LOXL4: variants seen among roughly 807,000 people sequenced by gnomAD.
LOXL4 encodes the protein lysyl oxidase like 4.
LOXL4 carries 72 observed loss-of-function variants against 89.1 expected under a neutral mutation model. The ratio of observed to expected loss-of-function variants is 0.81; its 90% CI spans 0.67 to 0.98. LOXL4 has a LOEUF of 0.98. Ranked by LOEUF, LOXL4 falls within the 50% of genes least tolerant of loss-of-function variation. The pLI is 0.00. For missense variants in LOXL4, 984 were observed against 1,017.5 expected, an observed-to-expected ratio of 0.97 and a Z score of 0.45; for synonymous variants, 355 against 392.1, an observed-to-expected ratio of 0.91 and a Z score of 1.12.
At chr10:98,255,798 C>T (rs1858345052) in intron 9 of LOXL4, 59 bp from the exon 10 acceptor site, 2 of 1,562,556 alleles carry the variant, frequency 1.3e-6, no homozygotes, top group South Asian at 2.3e-5. Flanking sequence ...TCCTGACTCC[C>T]ATCTGAGGTG....
chr10:98,254,618 A>G (rs1564757436), intron 10 of LOXL4, among the ~76,000 whole-genome samples: 2 of 152,278 alleles, frequency 1.3e-5, no homozygotes, highest in Non-Finnish European at 2.9e-5. Flanking sequence ...AGGTGGTTAC[A>G]GAGACTGCAG....
At chr10:98,256,042 T>G in intron 9 of LOXL4, 1 of 289,762 alleles carries the variant, frequency 3.5e-6, no homozygotes, top group Non-Finnish European at 6.4e-6. Flanking sequence ...CCCCTCTCCC[T>G]GGGGGCTGTG....
intron 10 of LOXL4, among the ~76,000 whole-genome samples, chr10:98,254,414 GCAGCTTGCCCCAGGCTGGAGC>G (rs897491184): frequency 6.6e-6 from 1 of 152,208 alleles, no homozygotes; most frequent in African/African-American, 2.4e-5. Flanking sequence ...CAGGCCGGCC[GCAGCTTGCCCCAGGCTGGAGC>G]CATCTGCATC....
In LOXL4 at chr10:98,265,131, T is replaced by G. The variant is rs1419773541; in HGVS notation, c.-32-2080A>C. On this transcript the variant is annotated intron_variant, in intron 1 of 14. Coordinates refer to ENST00000260702, the MANE Select transcript of LOXL4 (RefSeq NM_032211.7). ...TCATTCATATCTGTGGTTGCATGGA[T>G]GGGAGGTGGCAGCACAGTGCTTGAG... Among the ~76,000 whole-genome samples the G allele has an allele frequency of 3.3e-5, 5 of 152,154 alleles. No homozygotes were observed. The East Asian group carries it at 9.6e-4, about 29-fold the overall frequency.
intron 6 of LOXL4, among the ~76,000 whole-genome samples, chr10:98,258,775 T>G (rs1005261057): frequency 2.6e-5 from 4 of 152,188 alleles, no homozygotes; most frequent in Admixed American, 2.0e-4. Context: ...TTAATTACTG[T>G]TTTTACGGTC....
At chr10:98,249,686 G>A (rs1858132080) in intron 14 of LOXL4, among the ~76,000 whole-genome samples, 1 of 152,216 alleles carries the variant, frequency 6.6e-6, no homozygotes, top group Non-Finnish European at 1.5e-5. Flanking sequence ...ACTGGCAAGA[G>A]GACCTGCAGG....
chr10:98,251,035 A>G (rs200513650), intron 14 of LOXL4, 30 bp downstream of exon 14: 2 of 1,517,934 alleles, frequency 1.3e-6, no homozygotes, highest in Middle Eastern at 1.7e-4. Context: ...GAGCCTATAG[A>G]TGGCTGATTC....
At chr10:98,260,881 A>T (rs1439427695) in intron 4 of LOXL4, 41 bp downstream of exon 4, 1 of 1,564,754 alleles carries the variant, frequency 6.4e-7, no homozygotes, top group Admixed American at 1.9e-5. Context: ...CCTGCCCCAC[A>T]ACCCTGCCTC....
At chr10:98,257,570 G>C in intron 8 of LOXL4, 80 bp downstream of exon 8, 1 of 1,507,734 alleles carries the variant, frequency 6.6e-7, no homozygotes, top group Non-Finnish European at 8.9e-7. Context: ...ACCTCTCCCC[G>C]CTAGCTCGAT....
chr10:98,252,069 C>T (rs1211442168), intron 12 of LOXL4: 3 of 488,058 alleles, frequency 6.1e-6, no homozygotes, highest in African/African-American at 3.9e-5. Flanking sequence ...CAATGCTTGC[C>T]CTCGGAGAGC....
chr10:98,267,128 A>C (rs1052077688), intron 1 of LOXL4, among the ~76,000 whole-genome samples: 3 of 152,188 alleles, frequency 2.0e-5, no homozygotes, highest in Non-Finnish European at 2.9e-5. Context: ...AGGGAAGTCA[A>C]GTAACTTGCC....
chr10:98,251,939 CG>C, intron 12 of LOXL4: 1 of 551,950 alleles, frequency 1.8e-6, no homozygotes, highest in Non-Finnish European at 3.2e-6. Context: ...GAGATTCCAA[CG>C]CTCCCGTGCT....
chr10:98,258,258 G>T (rs911252943), intron 6 of LOXL4, 94 bp from the exon 7 acceptor site: 2 of 1,313,064 alleles, frequency 1.5e-6, no homozygotes, highest in South Asian at 1.5e-5. Context: ...GCTCCTTCAA[G>T]TTCCATGGCG....
intron 14 of LOXL4, among the ~76,000 whole-genome samples, chr10:98,250,445 C>T (rs1858157211): frequency 6.6e-6 from 1 of 152,190 alleles, no homozygotes; most frequent in African/African-American, 2.4e-5. Context: ...ACAACTCTGC[C>T]CCATCCCACC....
intron 1 of LOXL4, 71 bp downstream of exon 1, chr10:98,268,061 A>G: frequency 6.5e-6 from 1 of 152,922 alleles, no homozygotes; most frequent in Non-Finnish European, 1.5e-5. Flanking sequence ...AGACTCACAG[A>G]GAGACAGAAG....
chr10:98,257,841 T>C (rs1858424176), intron 7 of LOXL4, 37 bp from the exon 8 acceptor site: 3 of 1,595,116 alleles, frequency 1.9e-6, no homozygotes, highest in Non-Finnish European at 2.6e-6. Flanking sequence ...CGAGGCTCCA[T>C]CTCCGTAACC....
chr10:98,261,520 C>A (rs1207042419), intron 3 of LOXL4, among the ~76,000 whole-genome samples: 1 of 152,218 alleles, frequency 6.6e-6, no homozygotes, highest in Non-Finnish European at 1.5e-5. Flanking sequence ...CTTGAGACCA[C>A]AGCAGGATCC....
intron 1 of LOXL4, 127 bp from the exon 2 acceptor site, chr10:98,263,178 G>A (rs142335330): frequency 3.4e-5 from 19 of 552,046 alleles, no homozygotes; most frequent in Admixed American, 2.0e-4. Context: ...GTGTGTGCAC[G>A]CGCACACACA....
chr10:98,265,083 A>C (rs550645158), intron 1 of LOXL4, among the ~76,000 whole-genome samples: 101 of 152,276 alleles, frequency 6.6e-4, no homozygotes, highest in Non-Finnish European at 1.2e-3. Context: ...TTCCCAAAAT[A>C]GTGTCAGGTG....
Sources: gnomAD v4.1 joint callset for allele counts (sites outside exome capture counted in the v4.1 genomes callset) on GRCh38, gnomAD v4.1.1 for gene constraint, MANE v1.5 for transcripts, NCBI Gene and HGNC (gene_info 2026-07-23, HGNC 2026-07-21) for gene names.